The following PTPRN2 variants were observed in gnomAD, a reference collection of about 807,000 sequenced individuals.
PTPRN2 encodes the protein receptor-type tyrosine-protein phosphatase N2.
A neutral mutation model predicts 118.8 loss-of-function variants in PTPRN2; 74 were observed. That is an observed-to-expected ratio of 0.62 (90% CI 0.52 to 0.76). The LOEUF is 0.76. Among genes scored for constraint, PTPRN2 ranks in the 30% least tolerant of loss-of-function variants. The pLI is 0.00. For missense variants in PTPRN2, 1,481 were observed against 1,394.4 expected (o/e 1.06, Z -0.99); for synonymous variants, 641 against 608.0 (o/e 1.05, Z -0.80).
At position 157,845,571 on chromosome 7, in the gene PTPRN2, C is replaced by T. The variant is rs552330835; in HGVS notation, c.1788+53102G>A. On this transcript the variant is annotated intron_variant, in intron 12 of 22. Transcript: ENST00000389418. The surrounding 1 kb of genome is among the most constrained non-coding windows in gnomAD (Gnocchi z 4.5). ...CAGCCTAACTCACCACGTTCCCGGC[C>T]ACACAGGGCCAAGAACAGCCCAGGC... Among the ~76,000 whole-genome samples, 10 of 152,380 alleles carry T rather than the reference C, an allele frequency of 6.6e-5. No individual in the cohort carries two copies. Among genetic ancestry groups the T allele is most frequent in the Admixed American group, 2.0e-4 (3 of 15,308 alleles).
At chr7:157,841,759 C>T (rs186883099) in intron 12 of PTPRN2, among the ~76,000 whole-genome samples, 2 of 152,300 alleles carry the variant, frequency 1.3e-5, no homozygotes, top group Admixed American at 1.3e-4. Context: ...AGAAACACTA[C>T]TATTTTTTCT....
At position 158,536,465 on chromosome 7, in the gene PTPRN2, G is replaced by A. The variant is rs564680628; in HGVS notation, c.113-46680C>T. On this transcript the variant is annotated intron_variant, in intron 1 of 22. Transcript: ENST00000389418. ...GACCCCACAAGGGCCTTTCCAGCCC[G>A]CCATTGACAAGATGAGACTCAGGAA... 6.8e-4 allele frequency among the ~76,000 whole-genome samples: 93 copies of A among 137,182 alleles called. 2 individuals carry two copies. In the South Asian group the frequency reaches 0.015, roughly 22 times the overall value. The allele number at this position is 137,182 out of a possible 152,430, so 90.0% of individuals were successfully genotyped here.
rs144397342 is a variant in PTPRN2, at chr7:157,722,175, C to T, written c.1789-39238G>A. On this transcript the variant is annotated intron_variant, in intron 12 of 22. Transcript: ENST00000389418. ...CCCACGCCCTGGTCCTCCCCACCTGCGAGGAGGCTCGTGGCACCCACTTCA... is the reference window on the plus strand; with the variant it reads ...CCCACGCCCTGGTCCTCCCCACCTGTGAGGAGGCTCGTGGCACCCACTTCA... Among the ~76,000 whole-genome samples the T allele has an allele frequency of 3.3e-5, 5 of 152,344 alleles. No individual in the cohort carries two copies. In the East Asian group the frequency reaches 5.8e-4, roughly 18 times the overall value.
intron 13 of PTPRN2, among the ~76,000 whole-genome samples, chr7:157,661,661 G>C (rs1339820655): frequency 6.6e-6 from 1 of 152,188 alleles, no homozygotes; most frequent in African/African-American, 2.4e-5. Context: ...GGAATGGCCT[G>C]CAGGGAGGAA....
At position 157,841,423 on chromosome 7, in the gene PTPRN2, C is replaced by T. The variant is rs76432000; in HGVS notation, c.1788+57250G>A. Reference sequence around the variant, plus strand: ...GGTTTTTCAAACTTACCGTATTGTACGTGGCTTTAAGTGAAACTTGAGTGA... The same window carrying T: ...GGTTTTTCAAACTTACCGTATTGTATGTGGCTTTAAGTGAAACTTGAGTGA... On this transcript the variant is annotated intron_variant, in intron 12 of 22. Transcript: ENST00000389418. Among the ~76,000 whole-genome samples the T allele has an allele frequency of 7.0e-3, 1,071 of 152,308 alleles. 14 individuals are homozygous for T. Among genetic ancestry groups the T allele is most frequent in the African/African-American group, 0.022 (908 of 41,550 alleles).
At chr7:157,770,215 C>T (rs1392228792) in intron 12 of PTPRN2, among the ~76,000 whole-genome samples, 1 of 152,220 alleles carries the variant, frequency 6.6e-6, no homozygotes. Context: ...CATATTGGAA[C>T]CATGCTTAGC....
rs373069137 is a variant in PTPRN2, at chr7:157,831,693, C to T, written c.1788+66980G>A. Reference sequence around the variant, plus strand: ...TTCTGCACTGAGCTCCCCTCTACTTCGGGCCTGCGAGAAGCAGGGAAGGTA... The same window carrying T: ...TTCTGCACTGAGCTCCCCTCTACTTTGGGCCTGCGAGAAGCAGGGAAGGTA... On this transcript the variant is annotated intron_variant, in intron 12 of 22. Coordinates refer to ENST00000389418, the MANE Select transcript of PTPRN2 (RefSeq NM_002847.5). The surrounding 1 kb of genome is among the most constrained non-coding windows in gnomAD (Gnocchi z 4.8). 1.3e-5 allele frequency among the ~76,000 whole-genome samples: 2 copies of T among 152,182 alleles called. No individual in the cohort carries two copies. The highest frequency in any genetic ancestry group is 2.1e-4 in the South Asian group (1 of 4,826).
intron 2 of PTPRN2, among the ~76,000 whole-genome samples, chr7:158,337,769 A>G (rs62481686): frequency 0.77 from 16,934 of 22,002 alleles, 6,327 homozygotes; most frequent in Non-Finnish European, 0.81. Flanking sequence ...GACACCTGCA[A>G]ACGTCACTCA....
intron 1 of PTPRN2, among the ~76,000 whole-genome samples, chr7:158,584,237 TG>T (rs1371044966): frequency 1.3e-5 from 2 of 152,136 alleles, no homozygotes; most frequent in African/African-American, 4.8e-5. Context: ...TTTATAAAAC[TG>T]CCCCCCTAAA....
At chr7:157,812,307 G>A (rs1376902530) in intron 12 of PTPRN2, among the ~76,000 whole-genome samples, 2 of 152,194 alleles carry the variant, frequency 1.3e-5, no homozygotes, top group Non-Finnish European at 2.9e-5. Context: ...TGGGAGGAGG[G>A]GTTCCGCTGC....
At chr7:158,009,486 G>C (rs1805891301) in intron 11 of PTPRN2, among the ~76,000 whole-genome samples, 1 of 152,102 alleles carries the variant, frequency 6.6e-6, no homozygotes, top group East Asian at 1.9e-4. Context: ...GTTGGTATAT[G>C]TGATTTGTAA....
chr7:157,724,723 T>A (rs1218669708), intron 12 of PTPRN2, among the ~76,000 whole-genome samples: 2 of 152,236 alleles, frequency 1.3e-5, no homozygotes, highest in Non-Finnish European at 2.9e-5. Context: ...TCTTGACTAC[T>A]GCCCTGAAAG....
intron 10 of PTPRN2, among the ~76,000 whole-genome samples, chr7:158,101,601 C>A (rs1815233534): frequency 6.6e-6 from 1 of 152,168 alleles, no homozygotes; most frequent in Non-Finnish European, 1.5e-5. Flanking sequence ...GTCATCTAGC[C>A]CAAACAATCC....
chr7:157,568,935 G>A lies in PTPRN2; in HGVS notation c.2869C>T (p.Leu957=), dbSNP rs750453472. 6.3e-7 allele frequency: 1 copy of A among 1,578,722 alleles called. No homozygotes were observed. The highest frequency in any genetic ancestry group is 8.7e-7 in the Non-Finnish European group (1 of 1,147,994). ...DGAGRSGTYV[L]IDMVLNKMAK... ...ATCTTGTTGAGAACCATGTCGATCAGGACGTAGGTGCCGCTCCGGCCTGCA... is the reference window on the plus strand; with the variant it reads ...ATCTTGTTGAGAACCATGTCGATCAAGACGTAGGTGCCGCTCCGGCCTGCA... Residue 957 remains leucine (L), a synonymous_variant, in exon 21 of 23, where the codon CTG becomes TTG. Transcript: ENST00000389418.
chr7:158,569,650 G>T (rs1312584680), intron 1 of PTPRN2, among the ~76,000 whole-genome samples: 1 of 151,338 alleles, frequency 6.6e-6, no homozygotes, highest in Non-Finnish European at 1.5e-5. Flanking sequence ...ACAAGAACGC[G>T]GGGCGCGAGG....
chr7:158,010,643 T>C (rs541300699), intron 11 of PTPRN2, among the ~76,000 whole-genome samples: 31 of 152,346 alleles, frequency 2.0e-4, no homozygotes, highest in African/African-American at 7.0e-4. Context: ...ATAGCACCAG[T>C]AAAAGTTATT....
rs749752065 is a variant in PTPRN2 at position 158,081,357 on chromosome 7, G to T, written c.1664C>A (p.Thr555Asn). The change falls in exon 11 of 23, where the codon ACC becomes AAC. Residue 555 changes from threonine to asparagine, a missense_variant. Physicochemically the swap from Thr to Asn is moderately conservative, Grantham distance 65. Around this residue, in one of 3 missense-constraint regions of PTPRN2, gnomAD observed 1,115 missense variants for 994.2 expected, o/e 1.12. Coordinates refer to ENST00000389418, the MANE Select transcript of PTPRN2 (RefSeq NM_002847.5). ...TTGGACATTGGCGCTCACTTTGAAG[G>T]TCACTGCTGGTCCGAGAACCCTGGA... ...ADVEVLGPAV[T>N]FKVSANVQNV... The T allele has an allele frequency of 6.2e-6, 10 of 1,614,042 alleles. No individual in the cohort carries two copies. Among genetic ancestry groups the T allele is most frequent in the Admixed American group, 1.7e-5 (1 of 60,012 alleles).
At chr7:157,815,611 T>C (rs1416229922) in intron 12 of PTPRN2, among the ~76,000 whole-genome samples, 1 of 152,156 alleles carries the variant, frequency 6.6e-6, no homozygotes, top group Non-Finnish European at 1.5e-5. Context: ...CCTAGTCCAG[T>C]GTTGCTGGCA....
intron 1 of PTPRN2, among the ~76,000 whole-genome samples, chr7:158,530,392 C>T (rs752394725): frequency 2.0e-5 from 3 of 152,176 alleles, no homozygotes; most frequent in African/African-American, 7.2e-5. Flanking sequence ...TTTGCGGAGG[C>T]TCTGCAGGAG....
Sources: gnomAD v4.1 joint callset for allele counts (sites outside exome capture counted in the v4.1 genomes callset) on GRCh38, gnomAD v4.1.1 for gene constraint, gnomAD v4.1.1 regional missense constraint, Gnocchi (gnomAD v3.1) non-coding constraint, MANE v1.5 for transcripts, NCBI Gene and HGNC (gene_info 2026-07-23, HGNC 2026-07-21) for gene names.